PRKCH: variants seen among roughly 807,000 people sequenced by gnomAD.
The protein encoded by PRKCH is protein kinase C eta type.
Under a neutral mutation model 82.5 loss-of-function variants are expected in PRKCH, and 28 were observed. That is an observed-to-expected ratio of 0.34 (90% confidence interval 0.25 to 0.47). The LOEUF (loss-of-function observed/expected upper bound fraction) is 0.47, where lower values mean the gene tolerates loss of function less well. PRKCH is among the 20% of genes least tolerant of loss of function. The pLI is 1.00. For synonymous variants in PRKCH, 322 were observed against 327.4 expected, an observed-to-expected ratio of 0.98 and a Z score of 0.18; for missense variants, 705 against 881.8, an observed-to-expected ratio of 0.80 and a Z score of 2.54.
At chr14:61,210,788 C>CTGTGTGTGTGTG (rs1210521677) in intron 1 of PRKCH, among the ~76,000 whole-genome samples, 7 of 131,646 alleles carry the variant, frequency 5.3e-5, no homozygotes, top group African/African-American at 2.1e-4. Flanking sequence ...CTCTCTCTCT[C>CTGTGTGTGTGTG]TCTGTGTGTG....
At chr14:61,519,005 G>A (rs1338719001) in intron 10 of PRKCH, among the ~76,000 whole-genome samples, 1 of 152,056 alleles carries the variant, frequency 6.6e-6, no homozygotes. Flanking sequence ...TTGTATAGCT[G>A]GACACAATGG....
intron 2 of PRKCH, among the ~76,000 whole-genome samples, chr14:61,415,646 C>T (rs1681201698): frequency 6.6e-6 from 1 of 152,092 alleles, no homozygotes; most frequent in Admixed American, 6.5e-5. Flanking sequence ...CATATCTTTC[C>T]TGTCACCTTC....
At chr14:61,388,794 G>C (rs1000839061) in intron 1 of PRKCH, among the ~76,000 whole-genome samples, 2 of 152,140 alleles carry the variant, frequency 1.3e-5, no homozygotes, top group Non-Finnish European at 2.9e-5. Context: ...TAGTTAAGAG[G>C]ATATTGTTAA....
At chr14:61,394,398 G>T (rs2046737940) in intron 2 of PRKCH, among the ~76,000 whole-genome samples, 1 of 152,142 alleles carries the variant, frequency 6.6e-6, no homozygotes, top group Non-Finnish European at 1.5e-5. Context: ...TAAAATCAAT[G>T]TAGTATTATG....
intron 9 of PRKCH, among the ~76,000 whole-genome samples, chr14:61,463,831 T>C (rs550172615): frequency 4.5e-4 from 68 of 152,370 alleles, no homozygotes; most frequent in African/African-American, 1.6e-3. Flanking sequence ...CATTTGTCTT[T>C]CTGTGACTGG....
chr14:61,318,407 G>A (rs1344922770), upstream of PRKCH, among the ~76,000 whole-genome samples: 3 of 124,642 alleles, frequency 2.4e-5, no homozygotes, highest in African/African-American at 9.3e-5. Flanking sequence ...GTCTCCCTAT[G>A]TCGCGCAGGG....
chr14:61,385,538 G>A (rs770680337), intron 1 of PRKCH, among the ~76,000 whole-genome samples: 5 of 152,146 alleles, frequency 3.3e-5, no homozygotes, highest in African/African-American at 1.2e-4. Flanking sequence ...ATGTATTCTC[G>A]CTGCATTGGT....
chr14:61,309,231 G>A (rs372274471), intron 1 of PRKCH, among the ~76,000 whole-genome samples: 31 of 152,104 alleles, frequency 2.0e-4, no homozygotes, highest in African/African-American at 6.3e-4. Flanking sequence ...GCAGTGAGCC[G>A]TGATTGTGCC....
rs1886552563 is a variant in PRKCH, at chr14:61,493,762, A to C, written c.1433+8106A>C. ...TGTGGACATACCCATGGTAAGCAGC[A>C]GCCAGGTTGCAAGGGAGAGGTTCAT... On this transcript the variant is annotated intron_variant, in intron 10 of 13. Transcript: ENST00000332981. 2.0e-5 allele frequency among the ~76,000 whole-genome samples: 3 copies of C among 151,912 alleles called. No individual in the cohort carries two copies. The South Asian group carries it at 6.2e-4, about 32-fold the overall frequency.
chr14:61,500,601 T>C (rs943228551), intron 10 of PRKCH, among the ~76,000 whole-genome samples: 1 of 152,164 alleles, frequency 6.6e-6, no homozygotes, highest in East Asian at 1.9e-4. Flanking sequence ...ATTTTCCTGT[T>C]GTAAGGATCT....
chr14:61,387,982 T>C (rs2046613869), intron 1 of PRKCH, among the ~76,000 whole-genome samples: 1 of 152,014 alleles, frequency 6.6e-6, no homozygotes, highest in Middle Eastern at 3.2e-3. Flanking sequence ...ACCCCATCTC[T>C]ACTAAAATTA....
chr14:61,338,046 A>G (rs1212459759), intron 1 of PRKCH, among the ~76,000 whole-genome samples: 1 of 151,994 alleles, frequency 6.6e-6, no homozygotes, highest in Non-Finnish European at 1.5e-5. Flanking sequence ...TTGTGGTTGT[A>G]TTGATTTGCT....
intron 2 of PRKCH, among the ~76,000 whole-genome samples, chr14:61,414,091 G>A (rs1393466667): frequency 6.6e-6 from 1 of 151,878 alleles, no homozygotes; most frequent in Non-Finnish European, 1.5e-5. Flanking sequence ...TATCCTTGGG[G>A]GATCCATCTT....
At chr14:61,430,305 C>T (rs1566877757) in intron 2 of PRKCH, among the ~76,000 whole-genome samples, 1 of 152,198 alleles carries the variant, frequency 6.6e-6, no homozygotes, top group Non-Finnish European at 1.5e-5. Context: ...AGACCAACAA[C>T]ACTAAATGTT....
intron 2 of PRKCH, among the ~76,000 whole-genome samples, chr14:61,417,867 T>C (rs1338363625): frequency 6.6e-6 from 1 of 152,202 alleles, no homozygotes; most frequent in Non-Finnish European, 1.5e-5. Context: ...CATTTGTGTA[T>C]GAGGGTTTTT....
chr14:61,295,860 C>T (rs1283251164), intron 1 of PRKCH, among the ~76,000 whole-genome samples: 1 of 152,066 alleles, frequency 6.6e-6, no homozygotes, highest in African/African-American at 2.4e-5. Flanking sequence ...CTTATATTTT[C>T]ACCCTTTTTT....
At chr14:61,210,083 A>C (rs1174495357) in intron 1 of PRKCH, among the ~76,000 whole-genome samples, 1 of 142,128 alleles carries the variant, frequency 7.0e-6, no homozygotes, top group Non-Finnish European at 1.5e-5. Flanking sequence ...CTAAAACAAA[A>C]ACAAAAAACA....
intron 1 of PRKCH, among the ~76,000 whole-genome samples, chr14:61,334,025 C>T (rs1010824501): frequency 6.6e-6 from 1 of 152,048 alleles, no homozygotes; most frequent in Non-Finnish European, 1.5e-5. Context: ...ACAGACAACC[C>T]GATGTTGGTG....
In PRKCH at chr14:61,549,854, G is replaced by A. The variant is rs1231226779; in HGVS notation, c.*23G>A. The A allele has an allele frequency of 6.2e-7, 1 of 1,608,392 alleles. No homozygotes were observed. Among genetic ancestry groups the A allele is most frequent in the African/African-American group, 1.3e-5 (1 of 74,622 alleles). ...TAGCCTTATGGGGAGTGAGAGAGAG[G>A]GCACGAGAACCCAAAGGGAATAGAG... On this transcript the variant is annotated 3_prime_UTR_variant, in exon 14 of 14. Transcript: ENST00000332981.
Sources: allele counts gnomAD v4.1 joint callset (sites outside exome capture counted in the v4.1 genomes callset), GRCh38; gene constraint gnomAD v4.1.1; transcripts MANE v1.5; gene names NCBI Gene and HGNC (gene_info 2026-07-23, HGNC 2026-07-21).